USH2A: variants seen among roughly 807,000 people sequenced by gnomAD.
USH2A encodes usherin, also known as Usher syndrome 2A (autosomal recessive, mild).
Under a neutral mutation model 538.9 loss-of-function variants are expected in USH2A, and 443 were observed. The ratio of observed to expected loss-of-function variants is 0.82; its 90% CI spans 0.76 to 0.89. The LOEUF is 0.89. Among genes scored for constraint, USH2A ranks in the 40% least tolerant of loss-of-function variants. The probability of loss-of-function intolerance (pLI) is 0.00; values close to 1 mark genes in which losing one functional copy is unlikely to be tolerated. For synonymous variants in USH2A, 2,413 were observed against 2,273.5 expected (o/e 1.06, Z -1.75); for missense variants, 6,633 against 6,324.8 (o/e 1.05, Z -1.65).
intron 21 of USH2A, among the ~76,000 whole-genome samples, chr1:216,140,394 G>A (rs554402792): frequency 1.3e-5 from 2 of 152,116 alleles, no homozygotes; most frequent in Non-Finnish European, 2.9e-5. Context: ...AGATTGTGCC[G>A]TGTCTGCTTA....
chr1:216,050,750 G>A (rs11120730), intron 30 of USH2A, among the ~76,000 whole-genome samples: 1,735 of 150,270 alleles, frequency 0.012, 12 homozygotes, highest in Middle Eastern at 0.017. Flanking sequence ...GACTACAGGC[G>A]CCCGCCACCA....
intron 11 of USH2A, among the ~76,000 whole-genome samples, chr1:216,274,656 A>G (rs1345043308): frequency 1.3e-5 from 2 of 152,124 alleles, no homozygotes; most frequent in Non-Finnish European, 2.9e-5. Context: ...TGCCAGGTGA[A>G]TAAAGTACAT....
intron 55 of USH2A, among the ~76,000 whole-genome samples, chr1:215,774,874 C>CA (rs1661414314): frequency 6.8e-6 from 1 of 147,530 alleles, no homozygotes; most frequent in South Asian, 2.1e-4. Context: ...TTTTAAAACA[C>CA]AAAAAAGTGG....
chr1:216,102,674 C>T (rs139062229), intron 21 of USH2A, among the ~76,000 whole-genome samples: 7,351 of 152,042 alleles, frequency 0.048, 251 homozygotes, highest in Middle Eastern at 0.099. Context: ...GTGGCGGGCG[C>T]CTGTAGTCCC....
At chr1:215,965,560 C>T (rs1269043324) in intron 36 of USH2A, 81 bp from the exon 37 acceptor site, 22 of 1,529,612 alleles carry the variant, frequency 1.4e-5, no homozygotes, top group African/African-American at 2.8e-5. Context: ...TTCAAAGAAT[C>T]TCTTTTTGCT....
intron 2 of USH2A, 29 bp downstream of exon 2, chr1:216,421,823 T>A: frequency 2.5e-6 from 4 of 1,613,782 alleles, no homozygotes; most frequent in Non-Finnish European, 3.4e-6. Context: ...TGGGGACCTA[T>A]GAAAGCTTAT....
At position 216,352,056 on chromosome 1, in the gene USH2A, G is replaced by A. The variant is rs554742369; in HGVS notation, c.784+12897C>T. Among the ~76,000 whole-genome samples the A allele has an allele frequency of 3.0e-4, 46 of 152,244 alleles. 1 individual carries two copies. The highest frequency in any genetic ancestry group is 1.3e-4 in the Admixed American group (2 of 15,276). On this transcript the variant is annotated intron_variant, in intron 4 of 71. Transcript: ENST00000307340. ...TGAAATGTAAATTAAACATTCAAAT[G>A]GAGACTTTGGGTAGTTTGATACATG... is the stretch of plus-strand genomic sequence containing the variant.
Position 215,807,770 on chromosome 1 carries a change from T to C in USH2A, c.9739+5966A>G, listed in dbSNP as rs12566107. Among the ~76,000 whole-genome samples, 82 of 152,140 alleles carry C rather than the reference T, an allele frequency of 5.4e-4. No homozygotes were observed. In the East Asian group the frequency reaches 0.013, roughly 24 times the overall value. ...GAACTGGCTATCCCTTTACATGATC[T>C]GATGAAAGTGGACACCCCTGAGTCC... On this transcript the variant is annotated intron_variant, in intron 49 of 71. Transcript: ENST00000307340.
chr1:215,798,044 C>T (rs575400330), intron 50 of USH2A, among the ~76,000 whole-genome samples: 1 of 152,214 alleles, frequency 6.6e-6, no homozygotes, highest in South Asian at 2.1e-4. Context: ...TTCCAACCCT[C>T]ATGGATGACT....
chr1:216,383,257 G>C (rs2038950013), intron 3 of USH2A, among the ~76,000 whole-genome samples: 1 of 152,124 alleles, frequency 6.6e-6, no homozygotes, highest in Non-Finnish European at 1.5e-5. Flanking sequence ...ATGGGTACAG[G>C]CATTAGAAAG....
At chr1:216,404,313 G>C (rs2039355561) in intron 3 of USH2A, among the ~76,000 whole-genome samples, 1 of 152,028 alleles carries the variant, frequency 6.6e-6, no homozygotes, top group Non-Finnish European at 1.5e-5. Flanking sequence ...AATTTATATG[G>C]AAAATCATAG....
chr1:215,634,953 C>T (rs1236348377), intron 69 of USH2A, among the ~76,000 whole-genome samples: 1 of 152,180 alleles, frequency 6.6e-6, no homozygotes, highest in African/African-American at 2.4e-5. Flanking sequence ...TGGAAATCAC[C>T]ACTGTCTTGA....
intron 32 of USH2A, among the ~76,000 whole-genome samples, chr1:216,001,442 T>C (rs971508804): frequency 1.3e-5 from 2 of 152,144 alleles, no homozygotes; most frequent in Non-Finnish European, 2.9e-5. Flanking sequence ...TTCTAATAGA[T>C]ACCACATTCT....
intron 4 of USH2A, among the ~76,000 whole-genome samples, chr1:216,339,409 G>T (rs2038033360): frequency 1.3e-5 from 2 of 151,438 alleles, no homozygotes; most frequent in African/African-American, 4.8e-5. Context: ...TATAAGAATG[G>T]CAATTGTATA....
At chr1:215,706,680 T>C (rs187980740) in intron 61 of USH2A, among the ~76,000 whole-genome samples, 1 of 152,242 alleles carries the variant, frequency 6.6e-6, no homozygotes, top group African/African-American at 2.4e-5. Context: ...TATTTCAGTA[T>C]AATAGGATTT....
intron 37 of USH2A, among the ~76,000 whole-genome samples, chr1:215,958,135 A>AT (rs113776366): frequency 0.17 from 25,245 of 151,890 alleles, 2,410 homozygotes; most frequent in African/African-American, 0.27. Context: ...GCTTCTGTAT[A>AT]TTTTTTTTCC....
chr1:215,694,170 A>T (rs77227091), intron 61 of USH2A, among the ~76,000 whole-genome samples: 1 of 152,214 alleles, frequency 6.6e-6, no homozygotes, highest in Non-Finnish European at 1.5e-5. Context: ...TGACCTGTAC[A>T]AGATAAGACA....
intron 38 of USH2A, among the ~76,000 whole-genome samples, chr1:215,921,891 C>T (rs913077107): frequency 1.7e-4 from 26 of 152,028 alleles, no homozygotes; most frequent in African/African-American, 6.0e-4. Context: ...TTAATAAATG[C>T]TATCTTGGTA....
At position 215,790,110 on chromosome 1, in the gene USH2A, A is replaced by T. The variant is rs1030114673; in HGVS notation, c.10131T>A (p.Asn3377Lys). ...SQKCCNGVGY[N>K]PLKYVCSDKI... ...TGTCAGAGCAAACATATTTCAAAGG[A>T]TTATATCCAACTCCATTACAGCATT... The change falls in exon 51 of 72, where the codon AAT (asparagine) becomes AAA (lysine). Residue 3377 changes from asparagine (N) to lysine (K), a missense_variant. Physicochemically the swap from Asn to Lys is moderately conservative, Grantham distance 94. Coordinates refer to ENST00000307340, the MANE Select transcript of USH2A (RefSeq NM_206933.4). 6.2e-7 allele frequency: 1 copy of T among 1,613,558 alleles called. No individual in the cohort carries two copies.
Sources: gnomAD v4.1 joint callset for allele counts (sites outside exome capture counted in the v4.1 genomes callset) on GRCh38, gnomAD v4.1.1 for gene constraint, MANE v1.5 for transcripts, NCBI Gene and HGNC (gene_info 2026-07-23, HGNC 2026-07-21) for gene names.